The following DIAPH2 variants were observed in gnomAD, a reference collection of about 807,000 sequenced individuals.
DIAPH2 encodes diaphanous related formin 2.
A neutral mutation model predicts 92.7 loss-of-function variants in DIAPH2; 35 were observed. That is an observed-to-expected ratio of 0.38 (90% confidence interval 0.29 to 0.50). DIAPH2 has a LOEUF of 0.50. Ranked by LOEUF, DIAPH2 falls within the 20% of genes least tolerant of loss-of-function variation. DIAPH2 has a pLI of 0.94. For synonymous variants in DIAPH2, 301 were observed against 280.4 expected (o/e 1.07, Z -0.73); for missense variants, 701 against 819.5 (o/e 0.86, Z 1.77).
At chrX:96,959,955 T>C (rs1006050087) in intron 16 of DIAPH2, among the ~76,000 whole-genome samples, 4 of 111,523 alleles carry the variant, frequency 3.6e-5, no homozygotes, top group Admixed American at 2.9e-4. Flanking sequence ...CTGGGTTCTC[T>C]ATTCTATTCC....
intron 17 of DIAPH2, among the ~76,000 whole-genome samples, chrX:97,040,248 T>C (rs2066439626): frequency 9.2e-6 from 1 of 108,804 alleles, no homozygotes; most frequent in African/African-American, 3.3e-5. Flanking sequence ...AAGACATTTA[T>C]TAAATCTCGG....
At chrX:96,767,894 T>C (rs1416605859) in intron 4 of DIAPH2, among the ~76,000 whole-genome samples, 1 of 112,237 alleles carries the variant, frequency 8.9e-6, no homozygotes, top group Non-Finnish European at 1.9e-5. Flanking sequence ...GAGGATTTGG[T>C]ATAGATACTG....
At chrX:97,102,563 T>C (rs181628501) in intron 20 of DIAPH2, among the ~76,000 whole-genome samples, 145 of 112,378 alleles carry the variant, frequency 1.3e-3, no homozygotes, top group Admixed American at 4.5e-3. Context: ...TGTCAGATTC[T>C]ATGAGAAGCA....
At chrX:96,705,976 T>TA (rs1296792397) in intron 1 of DIAPH2, among the ~76,000 whole-genome samples, 1 of 112,673 alleles carries the variant, frequency 8.9e-6, no homozygotes, top group Non-Finnish European at 1.9e-5. Flanking sequence ...CTGCAAGTCA[T>TA]ACCTGGCCCA....
chrX:97,235,723 T>C (rs2068043550), intron 22 of DIAPH2, among the ~76,000 whole-genome samples: 1 of 110,191 alleles, frequency 9.1e-6, no homozygotes, highest in Non-Finnish European at 1.9e-5. Flanking sequence ...TACAAGACCC[T>C]ACCTACCTCT....
intron 22 of DIAPH2, among the ~76,000 whole-genome samples, chrX:97,145,328 A>G (rs772801418): frequency 8.5e-5 from 9 of 105,638 alleles, no homozygotes; most frequent in South Asian, 4.0e-4. Context: ...TAGTAGTGGT[A>G]GTAGTAGTAG....
intron 22 of DIAPH2, among the ~76,000 whole-genome samples, chrX:97,191,609 ATATGT>A (rs1261851470): frequency 3.6e-5 from 4 of 111,908 alleles, no homozygotes; most frequent in African/African-American, 1.3e-4. Context: ...TATTAGCATG[ATATGT>A]TAATTACCTT....
intron 26 of DIAPH2, among the ~76,000 whole-genome samples, chrX:97,595,627 T>C (rs1460176828): frequency 8.1e-5 from 9 of 111,099 alleles, no homozygotes; most frequent in Non-Finnish European, 1.5e-4. Flanking sequence ...TTCTTCCTTT[T>C]TCTTTTCTTT....
chrX:97,406,611 A>G (rs1260389595), intron 25 of DIAPH2, among the ~76,000 whole-genome samples: 1 of 112,037 alleles, frequency 8.9e-6, no homozygotes, highest in Non-Finnish European at 1.9e-5. Context: ...GAGTATAAGT[A>G]GTGTATTCCT....
At chrX:97,098,069 A>G (rs2066881093) in intron 19 of DIAPH2, among the ~76,000 whole-genome samples, 1 of 111,504 alleles carries the variant, frequency 9.0e-6, no homozygotes, top group Non-Finnish European at 1.9e-5. Flanking sequence ...TGGAAAGGCA[A>G]AATTGAGTGG....
At chrX:97,429,430 A>C (rs2070103833) in intron 25 of DIAPH2, among the ~76,000 whole-genome samples, 1 of 111,706 alleles carries the variant, frequency 9.0e-6, no homozygotes, top group African/African-American at 3.3e-5. Context: ...AAGGTCTTTA[A>C]GTTGAAAGAA....
At chrX:96,982,414 T>C (rs1461538428) in intron 17 of DIAPH2, among the ~76,000 whole-genome samples, 1 of 112,588 alleles carries the variant, frequency 8.9e-6, no homozygotes. Context: ...CTTCATGTGA[T>C]AAGAATAAAC....
chrX:97,135,382 T>C (rs2067163596), intron 21 of DIAPH2, among the ~76,000 whole-genome samples: 1 of 110,565 alleles, frequency 9.0e-6, no homozygotes, highest in South Asian at 3.9e-4. Flanking sequence ...TTTTGTTTTG[T>C]TTTTTTGTAG....
intron 16 of DIAPH2, among the ~76,000 whole-genome samples, chrX:96,963,965 A>AT (rs928359813): frequency 9.1e-6 from 1 of 110,269 alleles, no homozygotes; most frequent in African/African-American, 3.3e-5. Context: ...ATATACCTTA[A>AT]TTTTTTTTGA....
At chrX:97,596,955 A>C (rs1422337889) in intron 26 of DIAPH2, among the ~76,000 whole-genome samples, 2 of 112,040 alleles carry the variant, frequency 1.8e-5, no homozygotes, top group African/African-American at 6.5e-5. Flanking sequence ...ATATGTATAT[A>C]TATTTGTTGG....
chrX:96,811,162 C>G (rs1179418931), intron 4 of DIAPH2, among the ~76,000 whole-genome samples: 1 of 111,609 alleles, frequency 9.0e-6, no homozygotes, highest in East Asian at 2.8e-4. Flanking sequence ...ATGGAATGTT[C>G]TTCCATTTCT....
At chrX:97,441,214 G>A (rs2070253765) in intron 26 of DIAPH2, among the ~76,000 whole-genome samples, 1 of 110,512 alleles carries the variant, frequency 9.0e-6, no homozygotes, top group Non-Finnish European at 1.9e-5. Flanking sequence ...TCGGGAGTTC[G>A]AGACCAGCCT....
At chrX:97,344,034 A>G (rs763824356) in intron 23 of DIAPH2, among the ~76,000 whole-genome samples, 2 of 112,012 alleles carry the variant, frequency 1.8e-5, no homozygotes, top group East Asian at 2.8e-4. Flanking sequence ...AAAGGTTGTT[A>G]TAAAGAATAT....
chrX:97,296,776 C>CTTTT (rs1277806851), intron 23 of DIAPH2, among the ~76,000 whole-genome samples: 1 of 97,347 alleles, frequency 1.0e-5, no homozygotes, highest in Admixed American at 1.1e-4. Context: ...GGCTACAGAA[C>CTTTT]TTTTTTTTTT....
Sources: gnomAD v4.1 joint callset for allele counts (sites outside exome capture counted in the v4.1 genomes callset) on GRCh38, gnomAD v4.1.1 for gene constraint, MANE v1.5 for transcripts, NCBI Gene and HGNC (gene_info 2026-07-23, HGNC 2026-07-21) for gene names.